GRIK4: variants seen among roughly 807,000 people sequenced by gnomAD.
The protein encoded by GRIK4 is glutamate receptor ionotropic, kainate 4.
GRIK4 carries 40 observed loss-of-function variants against 104.9 expected under a neutral mutation model. The observed-to-expected ratio is 0.38, with a 90% CI of 0.30 to 0.50. GRIK4 has a LOEUF of 0.50. GRIK4 is among the 20% of genes least tolerant of loss of function. GRIK4 has a pLI of 0.93. For missense variants in GRIK4, 1,047 were observed against 1,308.1 expected, an observed-to-expected ratio of 0.80 and a Z score of 3.08; for synonymous variants, 485 against 524.9, an observed-to-expected ratio of 0.92 and a Z score of 1.04.
intron 1 of GRIK4, among the ~76,000 whole-genome samples, chr11:120,625,180 C>T (rs559902676): frequency 3.3e-5 from 5 of 152,130 alleles, no homozygotes; most frequent in East Asian, 3.9e-4. Context: ...GAGGCTGAGG[C>T]GGGAGAATTG....
chr11:120,671,301 T>C (rs1371740805), intron 3 of GRIK4, among the ~76,000 whole-genome samples: 1 of 152,236 alleles, frequency 6.6e-6, no homozygotes, highest in Non-Finnish European at 1.5e-5. Context: ...ATGGTTGAAC[T>C]AATTTACACT....
chr11:120,975,032 AGG>A (rs1944538538), intron 19 of GRIK4, among the ~76,000 whole-genome samples: 1 of 152,244 alleles, frequency 6.6e-6, no homozygotes, highest in Non-Finnish European at 1.5e-5. Flanking sequence ...GTGAACTCCA[AGG>A]AAATTAAATA....
intron 3 of GRIK4, among the ~76,000 whole-genome samples, chr11:120,724,783 A>T (rs1950999268): frequency 6.6e-6 from 1 of 152,252 alleles, no homozygotes; most frequent in Non-Finnish European, 1.5e-5. Context: ...TGACAAGACT[A>T]TACTTTGTTT....
chr11:120,886,076 AT>A (rs2135715915), intron 11 of GRIK4, among the ~76,000 whole-genome samples: 1 of 152,324 alleles, frequency 6.6e-6, no homozygotes, highest in Admixed American at 6.5e-5. Context: ...GATCCTCATT[AT>A]TTGTGGATTC....
intron 3 of GRIK4, among the ~76,000 whole-genome samples, chr11:120,688,441 C>T (rs1033127194): frequency 6.6e-6 from 1 of 152,194 alleles, no homozygotes; most frequent in Non-Finnish European, 1.5e-5. Flanking sequence ...CTGTTTAAGG[C>T]ATTCCCTTGA....
At chr11:120,828,752 C>T (rs1199329874) in intron 6 of GRIK4, among the ~76,000 whole-genome samples, 5 of 152,158 alleles carry the variant, frequency 3.3e-5, no homozygotes, top group African/African-American at 4.8e-5. Context: ...CTCCTGTCCC[C>T]GCCCCGCGTC....
chr11:120,838,183 G>C (rs1468876213), intron 8 of GRIK4, among the ~76,000 whole-genome samples: 1 of 152,168 alleles, frequency 6.6e-6, no homozygotes, highest in Non-Finnish European at 1.5e-5. Flanking sequence ...AAAAGCACTG[G>C]CCTGTGAAGT....
intron 1 of GRIK4, among the ~76,000 whole-genome samples, chr11:120,556,754 T>A (rs922134268): frequency 1.3e-5 from 2 of 152,190 alleles, no homozygotes; most frequent in African/African-American, 4.8e-5. Flanking sequence ...TTTTTAAAAC[T>A]GTGCTCCATA....
At chr11:120,825,050 G>A (rs1398811345) in intron 6 of GRIK4, among the ~76,000 whole-genome samples, 2 of 151,362 alleles carry the variant, frequency 1.3e-5, no homozygotes, top group African/African-American at 4.9e-5. Context: ...TCACCCTCCC[G>A]AGTAGCTGGG....
rs114179861 is a variant in GRIK4, at chr11:120,570,520, C to T, written c.-159+58633C>T. ...CCAGGCTGGAGTGCAGTGGCATCAT[C>T]GCGGTTCACTGTAGCCTCAACCTCC... On this transcript the variant is annotated intron_variant, in intron 1 of 20. Coordinates refer to ENST00000527524, the MANE Select transcript of GRIK4 (RefSeq NM_014619.5). Among the ~76,000 whole-genome samples the T allele has an allele frequency of 6.1e-3, 928 of 152,254 alleles. 8 individuals are homozygous for T. Among genetic ancestry groups the T allele is most frequent in the African/African-American group, 0.02 (832 of 41,546 alleles).
chr11:120,881,933 A>T lies in GRIK4; in HGVS notation c.1164+6690A>T, dbSNP rs192889600. Reference sequence around the variant, plus strand: ...GTTGCTCTGGTGGGAATTTTAGCAGACCTGCTTCTCTGGTGGGAGCCACTC... The same window carrying T: ...GTTGCTCTGGTGGGAATTTTAGCAGTCCTGCTTCTCTGGTGGGAGCCACTC... On this transcript the variant is annotated intron_variant, in intron 11 of 20. Transcript: ENST00000527524. 4.6e-5 allele frequency among the ~76,000 whole-genome samples: 7 copies of T among 151,494 alleles called. No homozygotes were observed. In the South Asian group the frequency reaches 1.5e-3, roughly 32 times the overall value.
intron 3 of GRIK4, among the ~76,000 whole-genome samples, chr11:120,777,654 G>C (rs1347983996): frequency 6.6e-6 from 1 of 152,198 alleles, no homozygotes; most frequent in Non-Finnish European, 1.5e-5. Context: ...GGACAGAATA[G>C]GGCTGGGTGC....
chr11:120,752,519 C>T (rs1021756990), intron 3 of GRIK4, among the ~76,000 whole-genome samples: 3 of 152,262 alleles, frequency 2.0e-5, no homozygotes, highest in Non-Finnish European at 4.4e-5. Context: ...CACCCCTTCC[C>T]TGAGCCCAGA....
chr11:120,669,538 C>A (rs766724077), intron 3 of GRIK4, among the ~76,000 whole-genome samples: 1 of 152,260 alleles, frequency 6.6e-6, no homozygotes, highest in African/African-American at 2.4e-5. Flanking sequence ...TCCAACCAGA[C>A]TTTCAGTCCC....
chr11:120,875,638 G>C (rs1954764958), intron 11 of GRIK4, among the ~76,000 whole-genome samples: 1 of 152,102 alleles, frequency 6.6e-6, no homozygotes, highest in African/African-American at 2.4e-5. Flanking sequence ...GTGTTGCAGT[G>C]CATGGCTGGG....
Position 120,898,651 on chromosome 11 carries a change from C to T in GRIK4, c.1272+12C>T. ...TCACCACCATCCTGGTAAGTGGGCT[C>T]TCCTAGGCTCCCAGCTGCAGCATCC... On this transcript the variant is annotated intron_variant, in intron 12 of 20. Transcript: ENST00000527524. The T allele has an allele frequency of 1.4e-6, 2 of 1,450,906 alleles. No homozygotes were observed. The highest frequency in any genetic ancestry group is 1.9e-6 in the Non-Finnish European group (2 of 1,030,896). The allele number at this position is 1,450,906 out of a possible 1,614,324, so 89.9% of individuals were successfully genotyped here.
chr11:120,570,865 A>G (rs889880463), intron 1 of GRIK4, among the ~76,000 whole-genome samples: 1 of 152,228 alleles, frequency 6.6e-6, no homozygotes, highest in African/African-American at 2.4e-5. Flanking sequence ...CAGAATTTAC[A>G]TTATATCTGT....
chr11:120,965,570 C>G (rs1040614401), intron 18 of GRIK4, among the ~76,000 whole-genome samples: 7 of 152,188 alleles, frequency 4.6e-5, no homozygotes, highest in African/African-American at 1.7e-4. Context: ...GCCCAAATCA[C>G]TGACACACAT....
At chr11:120,971,189 TGAA>T (rs1165703765) in intron 19 of GRIK4, among the ~76,000 whole-genome samples, 1 of 152,198 alleles carries the variant, frequency 6.6e-6, no homozygotes, top group Non-Finnish European at 1.5e-5. Flanking sequence ...TCCCTAAGGC[TGAA>T]GGGCTCTTCA....
Sources: allele counts gnomAD v4.1 joint callset (sites outside exome capture counted in the v4.1 genomes callset), GRCh38; gene constraint gnomAD v4.1.1; transcripts MANE v1.5; gene names NCBI Gene and HGNC (gene_info 2026-07-23, HGNC 2026-07-21).